SRGAP2: variants seen among roughly 807,000 people sequenced by gnomAD.
SRGAP2 encodes SLIT-ROBO Rho GTPase-activating protein 2.
In SRGAP2, 15 loss-of-function variants were observed where a neutral mutation model predicts 57.2. That is an observed-to-expected ratio of 0.26 (90% confidence interval 0.18 to 0.40). SRGAP2 has a LOEUF of 0.40. SRGAP2 is among the 10% of genes least tolerant of loss of function. The pLI is 1.00. For synonymous variants in SRGAP2, 249 were observed against 248.0 expected (o/e 1.00, Z -0.04); for missense variants, 520 against 669.6 (o/e 0.78, Z 2.47).
At chr1:206,275,156 G>GA (rs1183497459) in intron 2 of SRGAP2, among the ~76,000 whole-genome samples, 1 of 30,122 alleles carries the variant, frequency 3.3e-5, no homozygotes, top group African/African-American at 1.4e-4. Flanking sequence ...TTCCTGGTCT[G>GA]AGTTACTTTT....
Position 206,443,674 on chromosome 1 carries a change from C to G in SRGAP2, c.1875-2401C>G, listed in dbSNP as rs187972138. 3.9e-3 allele frequency among the ~76,000 whole-genome samples: 596 copies of G among 152,236 alleles called. 4 individuals are homozygous for G. The highest frequency in any genetic ancestry group is 0.014 in the African/African-American group (571 of 41,544). On this transcript the variant is annotated intron_variant, in intron 17 of 22. Transcript: ENST00000573034. ...TTACAGGCATGAGCCTGTAATTACACCGCGCCTGGCCTAGATATTTCTTTA... is the reference window on the plus strand; with the variant it reads ...TTACAGGCATGAGCCTGTAATTACAGCGCGCCTGGCCTAGATATTTCTTTA...
At chr1:206,346,732 A>T (rs1553336944) in intron 4 of SRGAP2, among the ~76,000 whole-genome samples, 1 of 152,190 alleles carries the variant, frequency 6.6e-6, no homozygotes. Flanking sequence ...TGTCACTAGC[A>T]AAAGTCATTT....
intron 7 of SRGAP2, among the ~76,000 whole-genome samples, chr1:206,394,300 G>A (rs1403249505): frequency 2.0e-5 from 3 of 151,828 alleles, no homozygotes; most frequent in African/African-American, 7.3e-5. Context: ...GACCTCAGGT[G>A]ATCCACCTGC....
intron 4 of SRGAP2, among the ~76,000 whole-genome samples, chr1:206,378,800 G>A (rs1386733863): frequency 7.9e-5 from 12 of 152,198 alleles, no homozygotes; most frequent in East Asian, 1.9e-4. Flanking sequence ...AACACTCACC[G>A]CGAAGGTCCA....
intron 3 of SRGAP2, among the ~76,000 whole-genome samples, chr1:206,325,311 G>A (rs1673797168): frequency 6.6e-6 from 1 of 151,906 alleles, no homozygotes; most frequent in Admixed American, 6.6e-5. Context: ...TTTGCTTTGT[G>A]TGATGTACTC....
chr1:206,458,273 GC>G, intron 21 of SRGAP2: 1 of 490,290 alleles, frequency 2.0e-6, no homozygotes, highest in Admixed American at 2.5e-5. Context: ...CCTAGCTGGG[GC>G]CTTAGGTTTC....
At position 206,256,518 on chromosome 1, in the gene SRGAP2, A is replaced by G. The variant is rs1393458041; in HGVS notation, c.68-46763A>G. 6.1e-5 allele frequency among the ~76,000 whole-genome samples: 9 copies of G among 147,368 alleles called. No homozygotes were observed. In the East Asian group the frequency reaches 1.8e-3, roughly 30 times the overall value. ...TATTTTGTACAGCAAAAGAACCAGCATTGGGTTTTCTTTGCTAATAGATGA... is the reference window on the plus strand; with the variant it reads ...TATTTTGTACAGCAAAAGAACCAGCGTTGGGTTTTCTTTGCTAATAGATGA... On this transcript the variant is annotated intron_variant, in intron 2 of 22. Coordinates refer to ENST00000573034, the MANE Select transcript of SRGAP2 (RefSeq NM_015326.5).
At chr1:206,354,408 G>T (rs1464737662) in intron 4 of SRGAP2, among the ~76,000 whole-genome samples, 2 of 152,224 alleles carry the variant, frequency 1.3e-5, no homozygotes, top group African/African-American at 4.8e-5. Flanking sequence ...GCCTTTCTGG[G>T]GTTTTCATGG....
chr1:206,333,445 C>A, intron 3 of SRGAP2: 1 of 1,488,238 alleles, frequency 6.7e-7, no homozygotes, highest in East Asian at 2.3e-5. Context: ...CCATGTTGCT[C>A]CCCGAGGGTG....
chr1:206,441,654 C>G (rs1214182983), intron 17 of SRGAP2, among the ~76,000 whole-genome samples: 1 of 152,216 alleles, frequency 6.6e-6, no homozygotes, highest in Non-Finnish European at 1.5e-5. Context: ...TGAAATCATA[C>G]TTACATTTGG....
chr1:206,263,556 A>C (rs1669698417), intron 2 of SRGAP2, among the ~76,000 whole-genome samples: 1 of 152,024 alleles, frequency 6.6e-6, no homozygotes, highest in African/African-American at 2.4e-5. Context: ...GACACACAGC[A>C]TAAAAAATAA....
intron 11 of SRGAP2, among the ~76,000 whole-genome samples, chr1:206,418,936 G>A (rs923618351): frequency 3.6e-5 from 5 of 138,188 alleles, no homozygotes; most frequent in East Asian, 2.4e-4. Flanking sequence ...GTGTGTGTGT[G>A]TATACTCAGG....
intron 15 of SRGAP2, 195 bp from the exon 16 acceptor site, chr1:206,437,769 G>A (rs2103321922): frequency 1.7e-6 from 1 of 589,542 alleles, no homozygotes; most frequent in Admixed American, 3.0e-5. Context: ...CCGTGCTTTG[G>A]TCCTGGAGCC....
chr1:206,387,416 A>G (rs1656412164), intron 5 of SRGAP2, among the ~76,000 whole-genome samples: 1 of 138,430 alleles, frequency 7.2e-6, no homozygotes, highest in South Asian at 2.3e-4. Flanking sequence ...TGCTGTATGC[A>G]CACCTTTGAG....
intron 2 of SRGAP2, among the ~76,000 whole-genome samples, chr1:206,237,706 G>A (rs1322599515): frequency 3.3e-5 from 5 of 149,320 alleles, no homozygotes; most frequent in African/African-American, 1.2e-4. Flanking sequence ...TATACCTAGC[G>A]TGAACTAACT....
At chr1:206,386,380 T>C (rs1469113274) in intron 5 of SRGAP2, among the ~76,000 whole-genome samples, 3 of 147,468 alleles carry the variant, frequency 2.0e-5, no homozygotes, top group South Asian at 4.6e-4. Flanking sequence ...TCTATGACCT[T>C]GGTGTCTGCA....
intron 3 of SRGAP2, among the ~76,000 whole-genome samples, chr1:206,332,592 T>A (rs1253203037): frequency 2.1e-5 from 3 of 144,902 alleles, no homozygotes; most frequent in African/African-American, 2.8e-5. Flanking sequence ...TTCTTCCAGT[T>A]GATCGCATCA....
intron 10 of SRGAP2, among the ~76,000 whole-genome samples, chr1:206,412,993 A>T (rs1659350057): frequency 6.6e-6 from 1 of 152,262 alleles, no homozygotes; most frequent in African/African-American, 2.4e-5. Flanking sequence ...GGATTTAATG[A>T]AACCCGAAGA....
chr1:206,231,336 T>C (rs1318021250), intron 2 of SRGAP2, among the ~76,000 whole-genome samples: 2 of 149,084 alleles, frequency 1.3e-5, no homozygotes, highest in African/African-American at 4.9e-5. Context: ...ATTTATACTT[T>C]AGTATGAGAT....
Sources: allele counts gnomAD v4.1 joint callset (sites outside exome capture counted in the v4.1 genomes callset), GRCh38; gene constraint gnomAD v4.1.1; transcripts MANE v1.5; gene names NCBI Gene and HGNC (gene_info 2026-07-23, HGNC 2026-07-21).